GBP4: variants seen among roughly 807,000 people sequenced by gnomAD.
GBP4 encodes the protein guanylate-binding protein 4.
GBP4 carries 69 observed loss-of-function variants against 62.2 expected under a neutral mutation model. The observed-to-expected ratio is 1.11, with a 90% CI of 0.91 to 1.36. The LOEUF (loss-of-function observed/expected upper bound fraction) is 1.36. GBP4 is among the 40% of genes most tolerant of loss of function. The pLI, the probability that GBP4 is intolerant of heterozygous loss-of-function variation, is 0.00. For missense variants in GBP4, 697 were observed against 759.3 expected (o/e 0.92, Z 0.96); for synonymous variants, 278 against 274.6 (o/e 1.01, Z -0.12).
intron 9 of GBP4, 110 bp downstream of exon 9, chr1:89,186,890 G>T (rs41312660): frequency 0.024 from 23,216 of 953,498 alleles, 343 homozygotes; most frequent in Middle Eastern, 0.059. Flanking sequence ...TTAACTCAAT[G>T]TTTGTGACTT....
At position 89,195,434 on chromosome 1, in the gene GBP4, A is replaced by G; in HGVS notation, c.236-10T>C. 1 of 1,613,218 alleles carries G rather than the reference A, an allele frequency of 6.2e-7. No homozygotes were observed. Among genetic ancestry groups the G allele is most frequent in the Non-Finnish European group, 8.5e-7 (1 of 1,179,384 alleles). On this transcript the variant is annotated splice_polypyrimidine_tract_variant and intron_variant, in intron 2 of 10. Transcript: ENST00000355754. The stretch of plus-strand genomic sequence containing the variant: ...GAGCCCAGAGGGAAGCCTGCAGGGA[A>G]GAGGAAAAATAACAAACAGTAACAG...
chr1:89,195,399 C>T lies in GBP4; in HGVS notation c.261G>A (p.Gln87=), dbSNP rs750766269. The stretch of plus-strand genomic sequence containing the variant: ...ACATCCAGATGCCCTTAGTTTCAGA[C>T]TGCACCGTGGAGCCCAGAGGGAAGC... The part of the protein sequence containing the change: ...RNGFPLGSTV[Q]SETKGIWMWC... Residue 87 remains glutamine (Q), a synonymous_variant, in exon 3 of 11, where the codon CAG becomes CAA. Coordinates refer to ENST00000355754, the MANE Select transcript of GBP4 (RefSeq NM_052941.5). 3.7e-6 allele frequency: 6 copies of T among 1,613,820 alleles called. No individual in the cohort carries two copies. The highest frequency in any genetic ancestry group is 5.1e-6 in the Non-Finnish European group (6 of 1,179,898).
intron 10 of GBP4, among the ~76,000 whole-genome samples, chr1:89,185,860 G>T (rs1160118114): frequency 6.6e-6 from 1 of 152,208 alleles, no homozygotes; most frequent in Non-Finnish European, 1.5e-5. Flanking sequence ...TTCAGGTTGG[G>T]ACAAGGAATA....
chr1:89,190,952 ATATAT>A (rs780513511), intron 6 of GBP4, among the ~76,000 whole-genome samples: 3 of 152,126 alleles, frequency 2.0e-5, no homozygotes, highest in South Asian at 2.1e-4. Flanking sequence ...AATTTATAAA[ATATAT>A]TATATATCTT....
chr1:89,187,697 C>T (rs1335498551), intron 8 of GBP4, among the ~76,000 whole-genome samples: 4 of 152,094 alleles, frequency 2.6e-5, no homozygotes, highest in African/African-American at 7.2e-5. Context: ...AATAGACTTT[C>T]GTCAAAAGAA....
At chr1:89,189,950 T>C (rs1648135496) in intron 7 of GBP4, 88 bp downstream of exon 7, 1 of 1,270,476 alleles carries the variant, frequency 7.9e-7, no homozygotes, top group Non-Finnish European at 1.1e-6. Flanking sequence ...TCCACAGTGG[T>C]AAGGAGATGA....
rs777655424 is a variant in GBP4 at position 89,188,783 on chromosome 1, C to T, written c.1209G>A (p.Glu403=). Residue 403 remains glutamate (E), a synonymous_variant, in exon 8 of 11, where the codon GAG becomes GAA. Coordinates refer to ENST00000355754, the MANE Select transcript of GBP4 (RefSeq NM_052941.5). ...EFQKKLVDTI[E]KKKGDFVLQN... ...GCAGCACAAAGTCTCCCTTCTTTTT[C>T]TCTATGGTGTCCTGCCAGAAAAATG... 6.2e-6 allele frequency: 10 copies of T among 1,614,082 alleles called. No homozygotes were observed. Among genetic ancestry groups the T allele is most frequent in the South Asian group, 4.4e-5 (4 of 91,084 alleles).
Position 89,185,307 on chromosome 1 carries a change from C to T in GBP4, c.1870G>A (p.Gly624Arg). The change falls in exon 11 of 11, where the codon GGG becomes AGG. Residue 624 changes from glycine (G) to arginine (R), a missense_variant. Transcript: ENST00000355754. ...CCTACTCCAAGTAGCTTGGAAGCCC[C>T]AGGTAGAGTGACAATCATTATGTTG... ...ASNIMIVTLP[G>R]ASKLLGVGTK... The T allele has an allele frequency of 6.2e-7, 1 of 1,613,716 alleles. No homozygotes were observed. Among genetic ancestry groups the T allele is most frequent in the Non-Finnish European group, 8.5e-7 (1 of 1,179,720 alleles).
At chr1:89,187,374 C>T (rs962452096) in intron 8 of GBP4, among the ~76,000 whole-genome samples, 2 of 152,120 alleles carry the variant, frequency 1.3e-5, no homozygotes, top group South Asian at 2.1e-4. Context: ...CACCCACCCC[C>T]GGTGCAGACA....
chr1:89,190,132 A>G lies in GBP4; in HGVS notation c.1103T>C (p.Leu368Pro), dbSNP rs771383080. 1 of 1,614,200 alleles carries G rather than the reference A, an allele frequency of 6.2e-7. No homozygotes were observed. ...RLPTDTLQEL[L>P]DVHAACEREA... ...CCTCTCACAGGCTGCATGCACGTCC[A>G]GCAGCTCCTGGAGCGTGTCTGTGGG... The change falls in exon 7 of 11, where the codon CTG becomes CCG. Residue 368 changes from leucine (L) to proline (P), a missense_variant. By Grantham distance (98) the Leu-to-Pro change is moderately conservative (BLOSUM62 -3). Around this residue, in one of 2 missense-constraint regions of GBP4, gnomAD observed 556 missense variants for 562.7 expected, o/e 0.99. Coordinates refer to ENST00000355754, the MANE Select transcript of GBP4 (RefSeq NM_052941.5).
At position 89,185,171 on chromosome 1, in the gene GBP4, AC is replaced by A; in HGVS notation, c.*82del. On this transcript the variant is annotated 3_prime_UTR_variant, in exon 11 of 11. Transcript: ENST00000355754. ...TGAATGAAACTGCTATAACACATAT[AC>A]TTACAAAATGAGCAACAGTGTTATG... 1.2e-6 allele frequency: 1 copy of A among 844,214 alleles called. No homozygotes were observed. The highest frequency in any genetic ancestry group is 1.6e-5 in the South Asian group (1 of 60,684). The allele number at this position is 844,214 out of a possible 1,614,324, so 52.3% of individuals were successfully genotyped here.
chr1:89,198,340 G>C (rs1648402767), intron 1 of GBP4, among the ~76,000 whole-genome samples: 1 of 152,132 alleles, frequency 6.6e-6, no homozygotes, highest in African/African-American at 2.4e-5. Context: ...GGGGCTGCAA[G>C]TGAAGGAGCC....
chr1:89,198,184 G>A (rs1382042218), intron 1 of GBP4, among the ~76,000 whole-genome samples: 1 of 152,082 alleles, frequency 6.6e-6, no homozygotes, highest in East Asian at 1.9e-4. Context: ...AGACACAAAC[G>A]CGGGGGGCTC....
chr1:89,185,372 T>G lies in GBP4; in HGVS notation c.1805A>C (p.Asn602Thr). 6.2e-7 allele frequency: 1 copy of G among 1,601,568 alleles called. No homozygotes were observed. Among genetic ancestry groups the G allele is most frequent in the Non-Finnish European group, 8.6e-7 (1 of 1,168,594 alleles). Residue 602 changes from asparagine to threonine, a missense_variant, in exon 11 of 11, where the codon AAT becomes ACT. By Grantham distance (65) the Asn-to-Thr change is moderately conservative. Coordinates refer to ENST00000355754, the MANE Select transcript of GBP4 (RefSeq NM_052941.5). ...GATCTTTAAGAGCCTTAACTGTTCA[T>G]TTTTAGTGCTTTCAATTTTTTCTTT... is the stretch of plus-strand genomic sequence containing the variant. ...QLKEKIESTK[N>T]EQLRLLKILD...
intron 3 of GBP4, among the ~76,000 whole-genome samples, chr1:89,194,741 T>C (rs372805769): frequency 6.6e-6 from 1 of 152,238 alleles, no homozygotes; most frequent in Non-Finnish European, 1.5e-5. Flanking sequence ...CTCAGAGAGT[T>C]GAACCAAAAT....
chr1:89,196,969 T>C, intron 2 of GBP4, 141 bp downstream of exon 2: 1 of 584,128 alleles, frequency 1.7e-6, no homozygotes. Flanking sequence ...TATTTGAGAT[T>C]GTAAATTTAG....
chr1:89,188,641 A>G lies in GBP4; in HGVS notation c.1351T>C (p.Leu451=), dbSNP rs1226778153. The G allele has an allele frequency of 1.9e-6, 3 of 1,614,172 alleles. No homozygotes were observed. The highest frequency in any genetic ancestry group is 2.2e-5 in the East Asian group (1 of 44,880). The change falls in exon 8 of 11, where the codon TTA becomes CTA. Residue 451 remains leucine (L), a synonymous_variant. Coordinates refer to ENST00000355754, the MANE Select transcript of GBP4 (RefSeq NM_052941.5). Reference sequence around the variant, plus strand: ...CACTCAACCTGTTTCTTTTCTTCTAAGTAGAGATTGTGTCCTCCAGGAACA... The same window carrying G: ...CACTCAACCTGTTTCTTTTCTTCTAGGTAGAGATTGTGTCCTCCAGGAACA... The part of the protein sequence containing the change: ...FSVPGGHNLY[L]EEKKQVEWDY...
intron 5 of GBP4, 134 bp from the exon 6 acceptor site, chr1:89,191,640 C>T: frequency 1.1e-6 from 1 of 871,018 alleles, no homozygotes; most frequent in Non-Finnish European, 1.7e-6. Context: ...TCATACAAAA[C>T]AGCCTTGTGC....
intron 7 of GBP4, among the ~76,000 whole-genome samples, chr1:89,189,766 C>A (rs778950586): frequency 2.6e-5 from 4 of 152,210 alleles, no homozygotes; most frequent in Non-Finnish European, 5.9e-5. Context: ...TACCCAGACA[C>A]CCTGATAAGG....
Sources: gnomAD v4.1 joint callset for allele counts (sites outside exome capture counted in the v4.1 genomes callset) on GRCh38, gnomAD v4.1.1 for gene constraint, gnomAD v4.1.1 regional missense constraint, MANE v1.5 for transcripts, NCBI Gene and HGNC (gene_info 2026-07-23, HGNC 2026-07-21) for gene names.